TMEM132D: variants seen among roughly 807,000 people sequenced by gnomAD.
TMEM132D encodes the protein transmembrane protein 132D, also known as mature OL transmembrane protein.
A neutral mutation model predicts 62.3 loss-of-function variants in TMEM132D; 21 were observed. The observed-to-expected ratio is 0.34, with a 90% CI of 0.24 to 0.49. The LOEUF is 0.49. TMEM132D is among the 20% of genes least tolerant of loss of function. The pLI, the probability that TMEM132D is intolerant of heterozygous loss-of-function variation, is 0.99. For synonymous variants in TMEM132D, 621 were observed against 575.6 expected, an observed-to-expected ratio of 1.08 and a Z score of -1.13; for missense variants, 1,346 against 1,402.8, an observed-to-expected ratio of 0.96 and a Z score of 0.65.
intron 2 of TMEM132D, among the ~76,000 whole-genome samples, chr12:129,599,401 A>G (rs574629492): frequency 1.3e-5 from 2 of 152,376 alleles, no homozygotes; most frequent in East Asian, 1.9e-4. Context: ...ACCAGCCACT[A>G]TCTATTCTGC....
chr12:129,307,063 T>TTG (rs386378224), intron 4 of TMEM132D, among the ~76,000 whole-genome samples: 1 of 248 alleles, frequency 4.0e-3, no homozygotes, highest in Non-Finnish European at 0.024. Flanking sequence ...AATAGACTGA[T>TTG]TTTTTTTTTT....
At chr12:129,196,473 A>T (rs1036312895) in intron 5 of TMEM132D, among the ~76,000 whole-genome samples, 2 of 152,132 alleles carry the variant, frequency 1.3e-5, no homozygotes, top group Non-Finnish European at 2.9e-5. Flanking sequence ...TGGGGAGGTC[A>T]TGTGGTTTCT....
At chr12:129,766,069 A>C (rs2137278886) in intron 1 of TMEM132D, among the ~76,000 whole-genome samples, 1 of 152,178 alleles carries the variant, frequency 6.6e-6, no homozygotes, top group East Asian at 1.9e-4. Flanking sequence ...TGGAAAGTTA[A>C]ACATTTCTGC....
intron 1 of TMEM132D, among the ~76,000 whole-genome samples, chr12:129,816,842 T>G (rs1352897961): frequency 6.6e-6 from 1 of 152,220 alleles, no homozygotes; most frequent in Non-Finnish European, 1.5e-5. Context: ...CATGCGTGAA[T>G]GAATATTTCT....
At chr12:129,159,493 A>G (rs1877336580) in intron 5 of TMEM132D, among the ~76,000 whole-genome samples, 1 of 152,214 alleles carries the variant, frequency 6.6e-6, no homozygotes, top group African/African-American at 2.4e-5. Context: ...ACGGGCACTC[A>G]CACCTGTAAT....
At chr12:129,533,152 A>G in intron 2 of TMEM132D, among the ~76,000 whole-genome samples, 1 of 152,160 alleles carries the variant, frequency 6.6e-6, no homozygotes, top group East Asian at 1.9e-4. Flanking sequence ...AATGATCATC[A>G]CGTATAACAT....
intron 3 of TMEM132D, among the ~76,000 whole-genome samples, chr12:129,401,962 G>T (rs1593365906): frequency 1.3e-5 from 2 of 152,292 alleles, no homozygotes; most frequent in South Asian, 2.1e-4. Flanking sequence ...ACAATGAGTG[G>T]CTGCAATTCA....
intron 2 of TMEM132D, among the ~76,000 whole-genome samples, chr12:129,562,072 T>C (rs545571150): frequency 1.3e-5 from 2 of 152,236 alleles, no homozygotes; most frequent in Admixed American, 6.5e-5. Flanking sequence ...AGTGAAACAC[T>C]GAAATTTTGT....
chr12:129,324,823 A>G (rs1555247769), intron 4 of TMEM132D, among the ~76,000 whole-genome samples: 1 of 152,096 alleles, frequency 6.6e-6, no homozygotes, highest in Non-Finnish European at 1.5e-5. Context: ...GCGAGACTCC[A>G]TCTCAAGAAA....
At chr12:129,196,239 C>G (rs531427406) in intron 5 of TMEM132D, among the ~76,000 whole-genome samples, 34 of 152,268 alleles carry the variant, frequency 2.2e-4, no homozygotes, top group African/African-American at 7.9e-4. Context: ...AATGCTTAAG[C>G]AGCATGTTAT....
At chr12:129,212,489 T>C (rs1879084171) in intron 4 of TMEM132D, 1 of 152,196 alleles carries the variant, frequency 6.6e-6, no homozygotes, top group Admixed American at 6.5e-5. Flanking sequence ...AGACCCTTGT[T>C]CAGTGGCAGA....
intron 5 of TMEM132D, among the ~76,000 whole-genome samples, chr12:129,183,529 C>T (rs766444425): frequency 6.6e-6 from 1 of 152,218 alleles, no homozygotes; most frequent in Non-Finnish European, 1.5e-5. Flanking sequence ...CTAGAAGGAG[C>T]CTTGCTAGTG....
At chr12:129,404,631 G>A (rs2135702138) in intron 3 of TMEM132D, among the ~76,000 whole-genome samples, 1 of 152,338 alleles carries the variant, frequency 6.6e-6, no homozygotes, top group East Asian at 1.9e-4. Context: ...AGGAGAAGGA[G>A]CCATCACACG....
chr12:129,877,161 T>C (rs1375454971), intron 1 of TMEM132D, among the ~76,000 whole-genome samples: 1 of 23,940 alleles, frequency 4.2e-5, no homozygotes, highest in Non-Finnish European at 2.0e-4. Context: ...AGTTTAACTA[T>C]GAATATTATA....
rs562781591 is a variant in TMEM132D, at chr12:129,648,743, G to A, written c.968+51067C>T. ...CTAAACCACAGTATTTTATGAATAC[G>A]CATTTGATTTCAATGAATAATGCAT... On this transcript the variant is annotated intron_variant, in intron 2 of 8. Coordinates refer to ENST00000422113, the MANE Select transcript of TMEM132D (RefSeq NM_133448.3). Among the ~76,000 whole-genome samples, 18 of 152,206 alleles carry A rather than the reference G, an allele frequency of 1.2e-4. No individual in the cohort carries two copies. The South Asian group carries it at 3.5e-3, about 30-fold the overall frequency.
chr12:129,245,022 T>G (rs969181847), intron 4 of TMEM132D, among the ~76,000 whole-genome samples: 1 of 152,230 alleles, frequency 6.6e-6, no homozygotes, highest in Non-Finnish European at 1.5e-5. Flanking sequence ...CCATATTCTT[T>G]TAATTAATGC....
intron 2 of TMEM132D, among the ~76,000 whole-genome samples, chr12:129,632,211 C>T (rs1009940221): frequency 6.6e-6 from 1 of 152,110 alleles, no homozygotes; most frequent in Non-Finnish European, 1.5e-5. Context: ...GAAGCTGAGC[C>T]TGAGCCGTGT....
chr12:129,534,832 T>C (rs1198662098), intron 2 of TMEM132D, among the ~76,000 whole-genome samples: 1 of 152,190 alleles, frequency 6.6e-6, no homozygotes, highest in Non-Finnish European at 1.5e-5. Context: ...AACTGTCTAT[T>C]GCTTCCTTCT....
intron 2 of TMEM132D, among the ~76,000 whole-genome samples, chr12:129,662,070 C>T (rs868054909): frequency 6.6e-6 from 1 of 152,168 alleles, no homozygotes; most frequent in Non-Finnish European, 1.5e-5. Context: ...GTGGAGTAAG[C>T]TATACTAGCA....
Sources: allele counts gnomAD v4.1 joint callset (sites outside exome capture counted in the v4.1 genomes callset), GRCh38; gene constraint gnomAD v4.1.1; transcripts MANE v1.5; gene names NCBI Gene and HGNC (gene_info 2026-07-23, HGNC 2026-07-21).